Variants in ATP2C2 observed in about 807,000 individuals in gnomAD.
The protein encoded by ATP2C2 is ATPase secretory pathway Ca2+ transporting 2.
A neutral mutation model predicts 110.8 loss-of-function variants in ATP2C2; 171 were observed. The observed-to-expected ratio is 1.54, with a 90% CI of 1.36 to 1.75. The LOEUF (loss-of-function observed/expected upper bound fraction) is 1.75, where lower values mean the gene tolerates loss of function less well. Ranked by LOEUF, ATP2C2 falls within the 40% of genes most tolerant of loss-of-function variation. ATP2C2 has a pLI of 0.00. For missense variants in ATP2C2, 1,963 were observed against 1,235.0 expected, an observed-to-expected ratio of 1.59 and a Z score of -8.84; for synonymous variants, 804 against 508.4, an observed-to-expected ratio of 1.58 and a Z score of -7.82.
intron 15 of ATP2C2, among the ~76,000 whole-genome samples, chr16:84,444,162 C>CAAAAAAAAAAAAAAA (rs71151217): frequency 1.2e-4 from 13 of 104,558 alleles, no homozygotes; most frequent in African/African-American, 1.6e-4. Context: ...GATCCTGCCT[C>CAAAAAAAAAAAAAAA]AAAAAAAAAA....
chr16:84,394,205 T>C (rs527898922), intron 1 of ATP2C2, among the ~76,000 whole-genome samples: 4 of 151,916 alleles, frequency 2.6e-5, no homozygotes, highest in African/African-American at 9.7e-5. Context: ...ACAAAATTCT[T>C]ATTTTATTGA....
At chr16:84,369,837 T>C (rs1314403308) in intron 1 of ATP2C2, among the ~76,000 whole-genome samples, 2 of 152,228 alleles carry the variant, frequency 1.3e-5, no homozygotes, top group Non-Finnish European at 2.9e-5. Flanking sequence ...GGTCTTAGGG[T>C]GGTAGGCCAC....
rs1216228439 is a variant in ATP2C2 at position 84,423,256 on chromosome 16, C to T, written c.912C>T (p.Gly304=). Reference sequence around the variant, plus strand: ...AGCAACTGACACTCTTCTCCTTTGGCATAATCGGTGAGTGAAGCAGTTTCC... The same window carrying T: ...AGCAACTGACACTCTTCTCCTTTGGTATAATCGGTGAGTGAAGCAGTTTCC... ...LGKQLTLFSF[G]IIGLIMLIGW... Residue 304 remains glycine, a synonymous_variant, in exon 10 of 27, where the codon GGC becomes GGT. Transcript: ENST00000262429. 4 of 1,613,726 alleles carry T rather than the reference C, an allele frequency of 2.5e-6. No individual in the cohort carries two copies. The highest frequency in any genetic ancestry group is 2.2e-5 in the South Asian group (2 of 91,076).
chr16:84,391,969 G>A (rs116174182), intron 1 of ATP2C2, among the ~76,000 whole-genome samples: 1 of 151,166 alleles, frequency 6.6e-6, no homozygotes, highest in Admixed American at 6.6e-5. Context: ...TTCTGCAAAA[G>A]GTTTTTTTTT....
chr16:84,381,145 T>A (rs1910558295), intron 1 of ATP2C2, among the ~76,000 whole-genome samples: 1 of 152,170 alleles, frequency 6.6e-6, no homozygotes, highest in African/African-American at 2.4e-5. Flanking sequence ...ATTATAGGTT[T>A]GGGGATAGGC....
intron 14 of ATP2C2, among the ~76,000 whole-genome samples, chr16:84,441,728 C>G (rs1362871616): frequency 3.3e-5 from 5 of 152,230 alleles, no homozygotes; most frequent in African/African-American, 2.4e-5. Context: ...CAAGACCAGC[C>G]TGGCCCACGT....
In ATP2C2 at chr16:84,405,351, G is replaced by A. The variant is rs543200594; in HGVS notation, c.327+107G>A. 3.3e-5 allele frequency: 32 copies of A among 972,830 alleles called. No individual in the cohort carries two copies. In the African/African-American group the frequency reaches 3.9e-4, roughly 12 times the overall value. The allele number at this position is 972,830 out of a possible 1,614,324, so 60.3% of individuals were successfully genotyped here. On this transcript the variant is annotated intron_variant, in intron 3 of 26. Coordinates refer to ENST00000262429, the MANE Select transcript of ATP2C2 (RefSeq NM_014861.4). Reference sequence around the variant, plus strand: ...TGGAAGGCATCCTTGGACAGCTCCCGCCCCTTTCACGCTGCCCCAGCCAGC... The same window carrying A: ...TGGAAGGCATCCTTGGACAGCTCCCACCCCTTTCACGCTGCCCCAGCCAGC...
intron 1 of ATP2C2, among the ~76,000 whole-genome samples, chr16:84,383,327 C>G (rs116549965): frequency 1.0e-3 from 152 of 152,340 alleles, no homozygotes; most frequent in African/African-American, 3.4e-3. Flanking sequence ...GGGCAAAGCT[C>G]TCAAATCCAG....
chr16:84,438,965 C>G, intron 11 of ATP2C2: 1 of 600,178 alleles, frequency 1.7e-6, no homozygotes, highest in Non-Finnish European at 2.8e-6. Context: ...TTCCCAAGAG[C>G]GGGGTCTGCA....
chr16:84,439,587 ACT>A, intron 13 of ATP2C2, 63 bp downstream of exon 13: 1 of 1,438,394 alleles, frequency 7.0e-7, no homozygotes, highest in Non-Finnish European at 9.8e-7. Flanking sequence ...TCCTTTCTAA[ACT>A]AAGCACACAA....
chr16:84,431,444 C>T (rs945423978), intron 11 of ATP2C2, among the ~76,000 whole-genome samples: 8 of 151,810 alleles, frequency 5.3e-5, no homozygotes, highest in Non-Finnish European at 1.0e-4. Context: ...TGCAGTGAGC[C>T]GACATCTCAC....
rs1160764711 is a variant in ATP2C2, at chr16:84,446,197, T to C, written c.1402-132T>C. On this transcript the variant is annotated intron_variant, in intron 15 of 26. Coordinates refer to ENST00000262429, the MANE Select transcript of ATP2C2 (RefSeq NM_014861.4). ...ACATTCCAAGAGAAATGGCCTTTTT[T>C]CTATGTGCTAAATGCTTGGATTTCT... 3.1e-5 allele frequency: 14 copies of C among 455,634 alleles called. No homozygotes were observed. The East Asian group carries it at 3.6e-4, about 12-fold the overall frequency. The allele number at this position is 455,634 out of a possible 1,614,324, so 28.2% of individuals were successfully genotyped here.
chr16:84,455,082 C>T lies in ATP2C2; in HGVS notation c.2147+98C>T, dbSNP rs548979422. The T allele has an allele frequency of 5.6e-5, 82 of 1,465,292 alleles. 3 individuals carry two copies. The highest frequency in any genetic ancestry group is 3.5e-4 in the South Asian group (29 of 82,858). The allele number at this position is 1,465,292 out of a possible 1,614,324, so 90.8% of individuals were successfully genotyped here. ...ACTGTGGAGATAGAGGGGGGGGTCT[C>T]GCGGAGTCCCCAGGGAGAGCTGAAT... is the stretch of plus-strand genomic sequence containing the variant. On this transcript the variant is annotated intron_variant, in intron 21 of 26. Transcript: ENST00000262429.
Position 84,422,685 on chromosome 16 carries a change from G to A in ATP2C2, c.831G>A (p.Met277Ile). 6.2e-7 allele frequency: 1 copy of A among 1,612,802 alleles called. No homozygotes were observed. Among genetic ancestry groups the A allele is most frequent in the Non-Finnish European group, 8.5e-7 (1 of 1,179,536 alleles). The stretch of plus-strand genomic sequence containing the variant: ...AGTTCGGAGAAGTGTTTAAGATGAT[G>A]CAGGCTGAAGAGGTAAGGGGCAGGA... Reference protein sequence around the residue: ...SSQFGEVFKMMQAEETPKTPL... With the variant: ...SSQFGEVFKMIQAEETPKTPL... The change falls in exon 9 of 27, where the codon ATG becomes ATA. Residue 277 changes from methionine to isoleucine, a missense_variant. Coordinates refer to ENST00000262429, the MANE Select transcript of ATP2C2 (RefSeq NM_014861.4).
At chr16:84,459,580 C>T (rs1911064726) in intron 23 of ATP2C2, 194 bp downstream of exon 23, 2 of 1,536,224 alleles carry the variant, frequency 1.3e-6, no homozygotes, top group East Asian at 2.4e-5. Context: ...AGTACCTGGG[C>T]CGGCAGAGCT....
Position 84,399,527 on chromosome 16 carries a change from A to T in ATP2C2, c.210+918A>T, listed in dbSNP as rs560118274. Among the ~76,000 whole-genome samples, 6 of 152,344 alleles carry T rather than the reference A, an allele frequency of 3.9e-5. No individual in the cohort carries two copies. The South Asian group carries it at 1.2e-3, about 32-fold the overall frequency. ...AACAACAAAGTTTCCTTCCATTATG[A>T]CTGACTCATAAATTAGCTGTATTTA... On this transcript the variant is annotated intron_variant, in intron 2 of 26. Coordinates refer to ENST00000262429, the MANE Select transcript of ATP2C2 (RefSeq NM_014861.4).
chr16:84,446,548 C>A (rs1336016059), intron 16 of ATP2C2, 118 bp downstream of exon 16: 6 of 613,156 alleles, frequency 9.8e-6, no homozygotes, highest in Non-Finnish European at 1.6e-5. Flanking sequence ...CTGTGACGTT[C>A]CAAATACATG....
intron 21 of ATP2C2, among the ~76,000 whole-genome samples, chr16:84,455,348 T>C (rs1299532651): frequency 1.3e-5 from 2 of 152,152 alleles, no homozygotes; most frequent in Non-Finnish European, 2.9e-5. Flanking sequence ...TGTGGCCAAA[T>C]ACGTGCTCAC....
intron 1 of ATP2C2, among the ~76,000 whole-genome samples, chr16:84,378,563 G>A (rs1436903565): frequency 6.6e-6 from 1 of 152,214 alleles, no homozygotes; most frequent in Non-Finnish European, 1.5e-5. Context: ...AAAAGAGTAA[G>A]TGAGGGAAGG....
Sources: gnomAD v4.1 joint callset for allele counts (sites outside exome capture counted in the v4.1 genomes callset) on GRCh38, gnomAD v4.1.1 for gene constraint, MANE v1.5 for transcripts, NCBI Gene and HGNC (gene_info 2026-07-23, HGNC 2026-07-21) for gene names.